RANBP2: variants seen among roughly 807,000 people sequenced by gnomAD.
The protein encoded by RANBP2 is RAN binding protein 2.
Under a neutral mutation model 303.6 loss-of-function variants are expected in RANBP2, and 57 were observed. The observed-to-expected ratio is 0.19, with a 90% CI of 0.15 to 0.23. The LOEUF (loss-of-function observed/expected upper bound fraction) is 0.23, where lower values mean the gene tolerates loss of function less well. Among genes scored for constraint, RANBP2 ranks in the 10% least tolerant of loss-of-function variants. RANBP2 has a pLI of 1.00. For synonymous variants in RANBP2, 1,167 were observed against 1,301.5 expected (o/e 0.90, Z 2.23); for missense variants, 3,138 against 3,780.8 (o/e 0.83, Z 4.46).
the RANBP2 span, among the ~76,000 whole-genome samples, chr2:108,898,884 A>G: frequency 6.6e-6 from 1 of 152,254 alleles, no homozygotes; most frequent in Non-Finnish European, 1.5e-5. Context: ...AAATTACTCA[A>G]TCAGAGAAAA....
At chr2:108,733,224 G>A (rs967236992) in intron 4 of RANBP2, among the ~76,000 whole-genome samples, 28 of 141,760 alleles carry the variant, frequency 2.0e-4, no homozygotes, top group African/African-American at 7.2e-4. Flanking sequence ...TTACTTCTGA[G>A]TAGTATTTCA....
chr2:109,216,151 G>A, the RANBP2 span, among the ~76,000 whole-genome samples: 25 of 152,300 alleles, frequency 1.6e-4, no homozygotes, highest in South Asian at 4.8e-3. Flanking sequence ...CAGCATCGGT[G>A]GGGAGTGAGT....
chr2:109,330,702 A>G, the RANBP2 span, among the ~76,000 whole-genome samples: 1 of 152,182 alleles, frequency 6.6e-6, no homozygotes, highest in African/African-American at 2.4e-5. Flanking sequence ...GGATGGATAC[A>G]TGACGGATGG....
Position 108,764,389 on chromosome 2 carries a change from A to C in RANBP2, c.3850A>C (p.Arg1284=), listed in dbSNP as rs2149273894. The C allele has an allele frequency of 6.2e-7, 1 of 1,614,062 alleles. No individual in the cohort carries two copies. Among genetic ancestry groups the C allele is most frequent in the East Asian group, 2.2e-5 (1 of 44,882 alleles). The change falls in exon 20 of 29, where the codon AGG becomes CGG. Residue 1284 remains arginine (R), a synonymous_variant. Transcript: ENST00000283195. ...ELPKPEQLAI[R]FKTPEEAALF... ...GCCAAAACCAGAACAACTTGCTATT[A>C]GGTTCAAAACTCCTGAGGAAGCAGC...
At chr2:109,674,189 A>C in the RANBP2 span, among the ~76,000 whole-genome samples, 2 of 152,006 alleles carry the variant, frequency 1.3e-5, no homozygotes, top group Admixed American at 1.3e-4. Flanking sequence ...TAGTGCCTAC[A>C]TCCTATTTTA....
chr2:109,437,695 C>T, the RANBP2 span, among the ~76,000 whole-genome samples: 1 of 150,150 alleles, frequency 6.7e-6, no homozygotes, highest in Non-Finnish European at 1.5e-5. Context: ...GCTGTTGATC[C>T]TTCGCCTTCA....
At chr2:109,625,087 C>CAAAAAAAAAAAAAAAAA in the RANBP2 span, among the ~76,000 whole-genome samples, 6 of 60,088 alleles carry the variant, frequency 1.0e-4, no homozygotes, top group Admixed American at 2.3e-4. Flanking sequence ...ACAACAACAA[C>CAAAAAAAAAAAAAAAAA]AAAAAAAAAA....
chr2:109,563,618 T>C, the RANBP2 span, among the ~76,000 whole-genome samples: 2 of 152,238 alleles, frequency 1.3e-5, no homozygotes, highest in Non-Finnish European at 2.9e-5. Flanking sequence ...AGGAAGTTTC[T>C]ACAACTTTTA....
the RANBP2 span, among the ~76,000 whole-genome samples, chr2:109,302,579 T>C: frequency 6.6e-6 from 1 of 151,868 alleles, no homozygotes; most frequent in Admixed American, 6.5e-5. Flanking sequence ...CTGCTGACAG[T>C]GCTAAATTTT....
At chr2:109,370,479 AT>A in the RANBP2 span, among the ~76,000 whole-genome samples, 1 of 151,826 alleles carries the variant, frequency 6.6e-6, no homozygotes, top group South Asian at 2.1e-4. Flanking sequence ...ATCTCAGGTG[AT>A]CACCCGCCTC....
At chr2:109,287,998 G>A in the RANBP2 span, among the ~76,000 whole-genome samples, 1 of 151,614 alleles carries the variant, frequency 6.6e-6, no homozygotes, top group Admixed American at 6.6e-5. Context: ...GTGAGCCCTG[G>A]CATGGGCCAT....
the RANBP2 span, among the ~76,000 whole-genome samples, chr2:109,682,092 G>A: frequency 6.6e-6 from 1 of 152,184 alleles, no homozygotes; most frequent in African/African-American, 2.4e-5. Context: ...CATGCAAGGG[G>A]ATGTTCTTTT....
chr2:109,570,027 C>CAA, the RANBP2 span, among the ~76,000 whole-genome samples: 9 of 147,264 alleles, frequency 6.1e-5, no homozygotes, highest in South Asian at 2.2e-4. Flanking sequence ...ACTGCCCCTA[C>CAA]AAAAAAAAAA....
intron 1 of RANBP2, among the ~76,000 whole-genome samples, chr2:108,726,558 T>C (rs1272193868): frequency 2.6e-5 from 4 of 151,922 alleles, no homozygotes; most frequent in Admixed American, 2.0e-4. Flanking sequence ...TCCTGGCTTA[T>C]AGGTTGGCTG....
At chr2:108,972,017 C>T in the RANBP2 span, among the ~76,000 whole-genome samples, 1 of 152,198 alleles carries the variant, frequency 6.6e-6, no homozygotes, top group South Asian at 2.1e-4. Context: ...CTTGCGAGGC[C>T]TCTGGATGTG....
the RANBP2 span, among the ~76,000 whole-genome samples, chr2:109,766,393 C>T: frequency 2.1e-4 from 31 of 150,584 alleles, no homozygotes; most frequent in South Asian, 1.7e-3. Context: ...TAGTTCAGGG[C>T]GCCGAGAACT....
the RANBP2 span, among the ~76,000 whole-genome samples, chr2:109,163,050 A>G: frequency 2.6e-5 from 4 of 152,208 alleles, no homozygotes; most frequent in African/African-American, 9.6e-5. Flanking sequence ...TAGCTGGGGC[A>G]CTGATCCCGC....
chr2:109,376,809 G>C, the RANBP2 span, among the ~76,000 whole-genome samples: 40,808 of 152,232 alleles, frequency 0.27, 6,812 homozygotes, highest in Non-Finnish European at 0.38. Flanking sequence ...AGGATCCTTA[G>C]AGACAGCCAG....
chr2:108,782,378 T>C lies in RANBP2; in HGVS notation c.9011T>C (p.Val3004Ala). The part of the protein sequence containing the change: ...KPLNVSNNAL[V>A]WTASDYADGE... ...TTAAATGTTTCAAATAATGCTTTAG[T>C]TTGGACTGCCTCAGATTATGCTGGT... is the stretch of plus-strand genomic sequence containing the variant. Residue 3004 changes from valine to alanine, a missense_variant, in exon 27 of 29, where the codon GTT becomes GCT. By Grantham distance (64) the Val-to-Ala change is moderately conservative. Around this residue, in one of 20 missense-constraint regions of RANBP2, gnomAD observed 204 missense variants for 228.4 expected, o/e 0.89. Coordinates refer to ENST00000283195, the MANE Select transcript of RANBP2 (RefSeq NM_006267.5). The C allele has an allele frequency of 6.2e-7, 1 of 1,614,082 alleles. No individual in the cohort carries two copies. The highest frequency in any genetic ancestry group is 8.5e-7 in the Non-Finnish European group (1 of 1,180,028).
Sources: gnomAD v4.1 joint callset for allele counts (sites outside exome capture counted in the v4.1 genomes callset) on GRCh38, gnomAD v4.1.1 for gene constraint, gnomAD v4.1.1 regional missense constraint, MANE v1.5 for transcripts, NCBI Gene and HGNC (gene_info 2026-07-23, HGNC 2026-07-21) for gene names.